The following HEMGN variants were observed in gnomAD, a reference collection of about 807,000 sequenced individuals.
HEMGN encodes the protein erythroid differentiation-associated gene protein.
A neutral mutation model predicts 45.7 loss-of-function variants in HEMGN; 32 were observed. That is an observed-to-expected ratio of 0.70 (90% CI 0.53 to 0.94). The LOEUF is 0.94. Among genes scored for constraint, HEMGN ranks in the 40% least tolerant of loss-of-function variants. HEMGN has a pLI of 0.00. For missense variants in HEMGN, 530 were observed against 564.2 expected, an observed-to-expected ratio of 0.94 and a Z score of 0.61; for synonymous variants, 183 against 178.6, an observed-to-expected ratio of 1.02 and a Z score of -0.20.
upstream of HEMGN, among the ~76,000 whole-genome samples, chr9:97,939,164 A>G (rs2417577): frequency 0.3 from 46,101 of 152,040 alleles, 7,739 homozygotes; most frequent in Non-Finnish European, 0.37. Flanking sequence ...TCCAGTGTTG[A>G]CATTCCCTAA....
At chr9:97,938,685 G>T (rs141800770), upstream of HEMGN, among the ~76,000 whole-genome samples, 3 of 152,160 alleles carry the variant, frequency 2.0e-5, no homozygotes, top group African/African-American at 7.2e-5. Flanking sequence ...TAGAAAGTGT[G>T]ATATATATTA....
At chr9:97,928,234 G>A (rs1783191711) in intron 3 of HEMGN, among the ~76,000 whole-genome samples, 4 of 151,952 alleles carry the variant, frequency 2.6e-5, no homozygotes. Flanking sequence ...CATCGTGTTA[G>A]CCAGAATGGT....
Position 97,930,462 on chromosome 9 carries a change from A to G in HEMGN, c.933T>C (p.Ser311=), listed in dbSNP as rs1395302690. The G allele has an allele frequency of 1.2e-6, 2 of 1,614,136 alleles. No individual in the cohort carries two copies. Among genetic ancestry groups the G allele is most frequent in the Admixed American group, 3.3e-5 (2 of 60,006 alleles). The change falls in exon 3 of 4, where the codon TCT becomes TCC. Residue 311 remains serine (S), a synonymous_variant. Coordinates refer to ENST00000616898, the MANE Select transcript of HEMGN (RefSeq NM_197978.3). ...IQEIAEPKDL[S]TKTHQESAEP... is the part of the protein sequence containing the mutation. The stretch of plus-strand genomic sequence containing the variant: ...CAGCTGATTCTTGGTGTGTTTTTGT[A>G]GAAAGGTCTTTAGGCTCAGCTATTT...
chr9:97,930,160 G>A lies in HEMGN; in HGVS notation c.1235C>T (p.Thr412Ile). The A allele has an allele frequency of 6.2e-7, 1 of 1,614,068 alleles. No individual in the cohort carries two copies. The highest frequency in any genetic ancestry group is 1.1e-5 in the South Asian group (1 of 91,074). Residue 412 changes from threonine to isoleucine, a missense_variant, in exon 3 of 4, where the codon ACA becomes ATA. By Grantham distance (89) the Thr-to-Ile change is moderately conservative. Coordinates refer to ENST00000616898, the MANE Select transcript of HEMGN (RefSeq NM_197978.3). ...TPGPEDLSTE[T>I]YKNKDVPKEC... ...TTTAGGCACATCCTTATTTTTATATGTCTCAGTAGAGAGGTCTTCAGGCCC... is the reference window on the plus strand; with the variant it reads ...TTTAGGCACATCCTTATTTTTATATATCTCAGTAGAGAGGTCTTCAGGCCC...
chr9:97,930,426 G>C lies in HEMGN; in HGVS notation c.969C>G (p.Tyr323Ter), dbSNP rs202170428. Residue 323 changes from tyrosine (Y) to a stop codon, truncating the protein, a stop_gained, in exon 3 of 4, where the codon TAC becomes TAG. Coordinates refer to ENST00000616898, the MANE Select transcript of HEMGN (RefSeq NM_197978.3). LOFTEE classifies it high-confidence loss of function. The stretch of plus-strand genomic sequence containing the variant: ...TTTCGTTACATGTTTTATGAGGAAG[G>C]TATTTAGGTTCAGCTGATTCTTGGT... ...KTHQESAEPK[Y>*]LPHKTCNEII... is the part of the protein sequence containing the mutation. 1.0e-4 allele frequency: 162 copies of C among 1,613,986 alleles called. No homozygotes were observed. Among genetic ancestry groups the C allele is most frequent in the Non-Finnish European group, 1.2e-4 (146 of 1,179,996 alleles).
chr9:97,939,640 G>C (rs1176259910), upstream of HEMGN, among the ~76,000 whole-genome samples: 3 of 152,140 alleles, frequency 2.0e-5, no homozygotes, highest in African/African-American at 7.2e-5. Flanking sequence ...TCATCATTTT[G>C]TGTGCTTGAT....
intron 3 of HEMGN, 41 bp from the exon 4 acceptor site, chr9:97,927,519 G>C (rs1357393703): frequency 7.5e-7 from 1 of 1,334,012 alleles, no homozygotes; most frequent in African/African-American, 1.4e-5. Flanking sequence ...TCAATAAATT[G>C]TATTGGGACA....
At chr9:97,932,007 A>C (rs755216436) in intron 2 of HEMGN, among the ~76,000 whole-genome samples, 2 of 151,986 alleles carry the variant, frequency 1.3e-5, no homozygotes, top group Non-Finnish European at 2.9e-5. Context: ...GGGCTGGGGG[A>C]AGTACTATAA....
At chr9:97,929,995 G>T in intron 3 of HEMGN, 40 bp downstream of exon 3, 1 of 1,432,616 alleles carries the variant, frequency 7.0e-7, no homozygotes, top group Non-Finnish European at 9.7e-7. Flanking sequence ...CACTACTCTG[G>T]GGGAGATGTA....
At position 97,936,401 on chromosome 9, in the gene HEMGN, T is replaced by A. The variant is rs10818284; in HGVS notation, c.80-137A>T. 2,982 of 640,694 alleles carry A rather than the reference T, an allele frequency of 4.7e-3. 70 individuals are homozygous for A. In the East Asian group the frequency reaches 0.059, roughly 13 times the overall value. 39.7% of individuals were successfully genotyped at this position (640,694 alleles called of 1,614,324 possible). On this transcript the variant is annotated intron_variant, in intron 1 of 3. Transcript: ENST00000616898. ...GAGGACAAGGACTGCATCTCATTTA[T>A]CCTTGTATCTCCAGAGAAAGCCTGG...
chr9:97,937,444 A>C (rs1007245260), intron 1 of HEMGN, among the ~76,000 whole-genome samples: 1 of 152,132 alleles, frequency 6.6e-6, no homozygotes, highest in Non-Finnish European at 1.5e-5. Flanking sequence ...TGTTGCAGAT[A>C]CCTTAAAATA....
chr9:97,932,817 A>G (rs988471059), intron 2 of HEMGN, among the ~76,000 whole-genome samples: 2 of 151,902 alleles, frequency 1.3e-5, no homozygotes, highest in African/African-American at 4.8e-5. Context: ...AAAAAAAAAA[A>G]AAAGGAAATC....
intron 2 of HEMGN, among the ~76,000 whole-genome samples, chr9:97,933,986 G>A (rs375786199): frequency 2.0e-3 from 300 of 152,248 alleles, no homozygotes; most frequent in African/African-American, 6.9e-3. Flanking sequence ...GCAGATTTAA[G>A]GAGACTGACA....
upstream of HEMGN, among the ~76,000 whole-genome samples, chr9:97,938,832 G>A (rs898413635): frequency 4.6e-5 from 7 of 152,088 alleles, no homozygotes; most frequent in African/African-American, 1.4e-4. Flanking sequence ...CAGCAATTTT[G>A]TACCCTTTTT....
chr9:97,938,251 G>T, upstream of HEMGN: 1 of 703,952 alleles, frequency 1.4e-6, no homozygotes, highest in Non-Finnish European at 2.5e-6. Flanking sequence ...ACACAAGTTT[G>T]CCTGTCACTT....
At chr9:97,937,106 A>C (rs1255316914) in intron 1 of HEMGN, among the ~76,000 whole-genome samples, 1 of 152,200 alleles carries the variant, frequency 6.6e-6, no homozygotes, top group African/African-American at 2.4e-5. Flanking sequence ...AGGGTTCTTA[A>C]TAGGAAAAAT....
chr9:97,929,756 A>G (rs1826905612), intron 3 of HEMGN, among the ~76,000 whole-genome samples: 1 of 152,246 alleles, frequency 6.6e-6, no homozygotes, highest in Non-Finnish European at 1.5e-5. Flanking sequence ...GCAATAATTC[A>G]TCCTATATTG....
At chr9:97,932,630 C>T (rs1826976227) in intron 2 of HEMGN, among the ~76,000 whole-genome samples, 4 of 151,786 alleles carry the variant, frequency 2.6e-5, no homozygotes, top group Admixed American at 1.3e-4. Context: ...ATAGTGAAAC[C>T]CCGTCTCTAC....
chr9:97,941,922 T>C (rs1167106187), upstream of HEMGN, among the ~76,000 whole-genome samples: 1 of 152,202 alleles, frequency 6.6e-6, no homozygotes, highest in Non-Finnish European at 1.5e-5. Flanking sequence ...ATTCAATTCA[T>C]TTAAATTAAT....
Sources: allele counts gnomAD v4.1 joint callset (sites outside exome capture counted in the v4.1 genomes callset), GRCh38; gene constraint gnomAD v4.1.1; transcripts MANE v1.5; gene names NCBI Gene and HGNC (gene_info 2026-07-23, HGNC 2026-07-21).